WDR1: variants seen among roughly 807,000 people sequenced by gnomAD.
WDR1 encodes the protein WD repeat domain 1, also known as WD repeat-containing protein 1.
WDR1 carries 21 observed loss-of-function variants against 71.9 expected under a neutral mutation model. The observed-to-expected ratio is 0.29, with a 90% CI of 0.21 to 0.42. WDR1 has a LOEUF of 0.42. Ranked by LOEUF, WDR1 falls within the 10% of genes least tolerant of loss-of-function variation. WDR1 has a pLI of 1.00. For synonymous variants in WDR1, 424 were observed against 347.4 expected, an observed-to-expected ratio of 1.22 and a Z score of -2.45; for missense variants, 696 against 824.5, an observed-to-expected ratio of 0.84 and a Z score of 1.91.
intron 1 of WDR1, 24 bp from the exon 2 acceptor site, chr4:10,116,258 G>C (rs773773565): frequency 7.4e-6 from 12 of 1,612,838 alleles, no homozygotes; most frequent in Non-Finnish European, 9.3e-6. Context: ...AATGCGGCGG[G>C]GCATGTCAGG....
intron 8 of WDR1, among the ~76,000 whole-genome samples, chr4:10,086,586 C>T (rs114308307): frequency 0.014 from 2,086 of 152,292 alleles, 40 homozygotes; most frequent in African/African-American, 0.048. Context: ...CAGCACGGGC[C>T]GAGTGCACAG....
intron 11 of WDR1, 126 bp from the exon 12 acceptor site, chr4:10,079,127 G>A (rs773016275): frequency 3.0e-6 from 2 of 668,694 alleles, no homozygotes; most frequent in South Asian, 2.0e-5. Flanking sequence ...CAACCTCTTT[G>A]CAGGGCCACC....
At chr4:10,088,963 G>A (rs1388829973) in intron 5 of WDR1, among the ~76,000 whole-genome samples, 1 of 152,202 alleles carries the variant, frequency 6.6e-6, no homozygotes, top group Non-Finnish European at 1.5e-5. Flanking sequence ...TCTACCTGCT[G>A]GGAAAGCTGA....
chr4:10,089,483 C>G (rs1711825321), intron 5 of WDR1, among the ~76,000 whole-genome samples: 1 of 149,410 alleles, frequency 6.7e-6, no homozygotes, highest in Non-Finnish European at 1.5e-5. Context: ...AAGGAAATGA[C>G]ATGACTTCCA....
Position 10,075,487 on chromosome 4 carries a change from G to A in WDR1, c.1715-3C>T. On this transcript the variant is annotated splice_region_variant and splice_polypyrimidine_tract_variant and intron_variant, in intron 14 of 14. Transcript: ENST00000499869. The stretch of plus-strand genomic sequence containing the variant: ...GACATGGTGCAGCCGGTGTGCATCT[G>A]GGAAGAAAGGGTGCAATTTAACGAA... The A allele has an allele frequency of 6.2e-7, 1 of 1,613,778 alleles. No homozygotes were observed. Among genetic ancestry groups the A allele is most frequent in the Non-Finnish European group, 8.5e-7 (1 of 1,179,784 alleles).
rs774247139 is a variant in WDR1 at position 10,104,003 on chromosome 4, C to G, written c.139-17G>C. 6.3e-6 allele frequency: 10 copies of G among 1,581,252 alleles called. No individual in the cohort carries two copies. The highest frequency in any genetic ancestry group is 8.6e-6 in the Non-Finnish European group (10 of 1,163,646). ...GGCTGGGTTCTGCAGGAGGAGACCC[C>G]GGAATGAACAGAAGGAATGGAGAAG... On this transcript the variant is annotated splice_polypyrimidine_tract_variant and intron_variant, in intron 2 of 14. Coordinates refer to ENST00000499869, the MANE Select transcript of WDR1 (RefSeq NM_017491.5).
chr4:10,085,139 C>T lies in WDR1; in HGVS notation c.952-609G>A, dbSNP rs945089102. On this transcript the variant is annotated intron_variant, in intron 8 of 14. Coordinates refer to ENST00000499869, the MANE Select transcript of WDR1 (RefSeq NM_017491.5). Reference sequence around the variant, plus strand: ...CAACCAGACAGCTGCTTCCAGAGGGCGGCGTTTAGCCCCCTCCATATCTGA... The same window carrying T: ...CAACCAGACAGCTGCTTCCAGAGGGTGGCGTTTAGCCCCCTCCATATCTGA... 1.2e-4 allele frequency among the ~76,000 whole-genome samples: 19 copies of T among 152,234 alleles called. 1 individual carries two copies. The highest frequency in any genetic ancestry group is 6.5e-5 in the Admixed American group (1 of 15,290).
At chr4:10,116,501 C>A in intron 1 of WDR1, 150 bp downstream of exon 1, 1 of 655,286 alleles carries the variant, frequency 1.5e-6, no homozygotes. Context: ...CCCTGCACCA[C>A]CGAGGGCGGC....
chr4:10,098,859 G>C, intron 4 of WDR1, 133 bp downstream of exon 4: 1 of 1,326,518 alleles, frequency 7.5e-7, no homozygotes, highest in Non-Finnish European at 1.0e-6. Context: ...ACGGGGCCCG[G>C]CACCTACTGG....
At chr4:10,080,471 C>T (rs1764970067) in intron 11 of WDR1, among the ~76,000 whole-genome samples, 2 of 152,352 alleles carry the variant, frequency 1.3e-5, no homozygotes, top group East Asian at 3.9e-4. Flanking sequence ...AGGCTGTTTG[C>T]AATAATTACT....
chr4:10,081,731 A>T (rs1245095688), intron 10 of WDR1, among the ~76,000 whole-genome samples: 1 of 151,700 alleles, frequency 6.6e-6, no homozygotes, highest in Non-Finnish European at 1.5e-5. Context: ...ATCTGTGGTA[A>T]GCCCTCATTA....
chr4:10,115,986 G>C (rs1713694618), intron 2 of WDR1, 127 bp downstream of exon 2: 21 of 1,326,316 alleles, frequency 1.6e-5, no homozygotes, highest in Non-Finnish European at 2.2e-5. Context: ...GCTCCCGGTA[G>C]AGGGGGCGTG....
intron 13 of WDR1, 95 bp from the exon 14 acceptor site, chr4:10,077,543 C>T: frequency 5.7e-6 from 9 of 1,575,348 alleles, no homozygotes; most frequent in South Asian, 3.5e-5. Context: ...ACAATAAGGA[C>T]CGAGGTTTCT....
rs1344454898 is a variant in WDR1 at position 10,077,422 on chromosome 4, A to G, written c.1596T>C (p.His532=). 1.2e-6 allele frequency: 2 copies of G among 1,613,974 alleles called. No individual in the cohort carries two copies. The highest frequency in any genetic ancestry group is 2.2e-5 in the East Asian group (1 of 44,884). Residue 532 remains histidine, a synonymous_variant, in exon 14 of 15, where the codon CAT becomes CAC. Coordinates refer to ENST00000499869, the MANE Select transcript of WDR1 (RefSeq NM_017491.5). ...YSENNVFYGH[H]AKIVCLAWSP... is the part of the protein sequence containing the mutation. ...ACCAGGCCAGGCAGACGATTTTTGCATGGTGTCCATAAAAAACATTGTTCT... is the reference window on the plus strand; with the variant it reads ...ACCAGGCCAGGCAGACGATTTTTGCGTGGTGTCCATAAAAAACATTGTTCT...
intron 5 of WDR1, 62 bp downstream of exon 5, chr4:10,097,649 C>T (rs1712424132): frequency 2.6e-6 from 4 of 1,547,592 alleles, no homozygotes; most frequent in Non-Finnish European, 3.5e-6. Flanking sequence ...TCTAAACAGG[C>T]TCAGCCTCTG....
chr4:10,113,459 A>G (rs1713515287), intron 2 of WDR1, among the ~76,000 whole-genome samples: 1 of 152,230 alleles, frequency 6.6e-6, no homozygotes, highest in Admixed American at 6.5e-5. Context: ...ACCAAGACAG[A>G]TGTGTGGCAT....
chr4:10,087,802 G>C lies in WDR1; in HGVS notation c.856C>G (p.Leu286Val), dbSNP rs771058795. The C allele has an allele frequency of 5.0e-6, 8 of 1,596,162 alleles. No individual in the cohort carries two copies. The highest frequency in any genetic ancestry group is 6.8e-6 in the Non-Finnish European group (8 of 1,170,948). The stretch of plus-strand genomic sequence containing the variant: ...CTGAGCAGGTGGTCCTTCTGCCATA[G>C]GCAGCCCAGCTGCTGGTCCAGAACC... ...STVLDQQLGC[L>V]WQKDHLLSVS... Residue 286 changes from leucine to valine, a missense_variant, in exon 8 of 15, where the codon CTA becomes GTA. By Grantham distance (32) the Leu-to-Val change is conservative. Coordinates refer to ENST00000499869, the MANE Select transcript of WDR1 (RefSeq NM_017491.5).
chr4:10,110,008 C>A (rs968665014), intron 2 of WDR1, among the ~76,000 whole-genome samples: 51 of 152,146 alleles, frequency 3.4e-4, no homozygotes, highest in African/African-American at 1.2e-3. Flanking sequence ...GAGGCAAGCA[C>A]ACCAAGTTTC....
intron 11 of WDR1, among the ~76,000 whole-genome samples, chr4:10,081,099 G>C (rs1428653469): frequency 6.6e-6 from 1 of 152,226 alleles, no homozygotes. Context: ...GAGGCTTAGA[G>C]ACAAATCCCA....
Sources: allele counts gnomAD v4.1 joint callset (sites outside exome capture counted in the v4.1 genomes callset), GRCh38; gene constraint gnomAD v4.1.1; transcripts MANE v1.5; gene names NCBI Gene and HGNC (gene_info 2026-07-23, HGNC 2026-07-21).